MSN: variants seen among roughly 807,000 people sequenced by gnomAD.
MSN encodes moesin.
A neutral mutation model predicts 48.0 loss-of-function variants in MSN; 2 were observed. The observed-to-expected ratio is 0.04, with a 90% confidence interval of 0.02 to 0.13. The LOEUF (loss-of-function observed/expected upper bound fraction) is 0.13. Ranked by LOEUF, MSN falls within the 10% of genes least tolerant of loss-of-function variation. The probability of loss-of-function intolerance (pLI) is 1.00; values close to 1 mark genes in which losing one functional copy is unlikely to be tolerated. For missense variants in MSN, 267 were observed against 470.1 expected (o/e 0.57, Z 3.99); for synonymous variants, 146 against 166.9 (o/e 0.87, Z 0.97).
At chrX:65,635,615 C>A (rs902902141) in intron 1 of MSN, among the ~76,000 whole-genome samples, 9 of 111,976 alleles carry the variant, frequency 8.0e-5, no homozygotes, top group African/African-American at 2.3e-4. Context: ...TTCAAAATAT[C>A]CCAGAAGGCG....
At chrX:65,615,132 C>T (rs1259700591) in intron 1 of MSN, among the ~76,000 whole-genome samples, 3 of 109,659 alleles carry the variant, frequency 2.7e-5, no homozygotes, top group African/African-American at 1.0e-4. Context: ...GGTTCCAAGT[C>T]TTTGCTATTG....
chrX:65,657,451 C>A (rs902147903), intron 1 of MSN, among the ~76,000 whole-genome samples: 54 of 109,452 alleles, frequency 4.9e-4, no homozygotes, highest in African/African-American at 1.7e-3. Flanking sequence ...TCAGTGGGGG[C>A]AGGGCTGGGG....
intron 1 of MSN, among the ~76,000 whole-genome samples, chrX:65,648,548 G>A (rs1351176539): frequency 9.8e-6 from 1 of 101,840 alleles, no homozygotes; most frequent in Non-Finnish European, 2.0e-5. Flanking sequence ...GAGAGACTCC[G>A]TCTCAAAAAT....
At chrX:65,667,627 T>G, upstream of MSN, 10 of 1,001,834 alleles carry the variant, frequency 1.0e-5, no homozygotes, top group South Asian at 3.4e-5. Context: ...CCGGGCCACA[T>G]AAAGGAGCGG....
intron 1 of MSN, among the ~76,000 whole-genome samples, chrX:65,655,850 T>C (rs1300219556): frequency 8.9e-6 from 1 of 112,166 alleles, no homozygotes; most frequent in Non-Finnish European, 1.9e-5. Context: ...CACTATAACC[T>C]CTGCTTCCCG....
intron 1 of MSN, among the ~76,000 whole-genome samples, chrX:65,640,436 T>G (rs1243464324): frequency 1.8e-5 from 2 of 111,724 alleles, no homozygotes; most frequent in African/African-American, 6.5e-5. Context: ...TCCCAGCTAC[T>G]CGGGAGGCTA....
intron 1 of MSN, among the ~76,000 whole-genome samples, chrX:65,624,000 AT>A (rs2070479939): frequency 9.1e-6 from 1 of 110,366 alleles, no homozygotes; most frequent in African/African-American, 3.4e-5. Flanking sequence ...AATCTAATTT[AT>A]TCATGAGCAA....
intron 8 of MSN, among the ~76,000 whole-genome samples, chrX:65,736,321 G>A (rs910727694): frequency 5.4e-5 from 6 of 110,832 alleles, no homozygotes; most frequent in Admixed American, 3.8e-4. Context: ...GTGGGGCTAT[G>A]ATATGAGGAC....
intron 1 of MSN, among the ~76,000 whole-genome samples, chrX:65,639,425 G>A (rs1307852098): frequency 1.8e-5 from 2 of 112,345 alleles, no homozygotes; most frequent in Non-Finnish European, 3.8e-5. Context: ...GATTACAGGC[G>A]TGAGCCACCG....
chrX:65,672,237 C>T (rs2070949399), intron 1 of MSN, among the ~76,000 whole-genome samples: 1 of 112,337 alleles, frequency 8.9e-6, no homozygotes, highest in African/African-American at 3.2e-5. Flanking sequence ...ATAACCATAG[C>T]TGCTGGAAAT....
chrX:65,634,568 G>A (rs1018311042), intron 1 of MSN, among the ~76,000 whole-genome samples: 8 of 110,654 alleles, frequency 7.2e-5, no homozygotes, highest in African/African-American at 1.6e-4. Flanking sequence ...AGCCGAGATC[G>A]CAACACTGCA....
chrX:65,708,428 G>A (rs761363180), intron 1 of MSN, among the ~76,000 whole-genome samples: 64 of 110,094 alleles, frequency 5.8e-4, no homozygotes, highest in Non-Finnish European at 1.1e-3. Context: ...GAGTAGCTGG[G>A]ATTACAGGTG....
Position 65,667,783 on chromosome X carries a change from T to A in MSN, c.-59T>A, listed in dbSNP as rs1440653468. Reference sequence around the variant, plus strand: ...AATCCAAGCCGTGTGTACTGCGTGCTCAGCACTGCCCGACAGTCCTAGCTA... The same window carrying A: ...AATCCAAGCCGTGTGTACTGCGTGCACAGCACTGCCCGACAGTCCTAGCTA... On this transcript the variant is annotated 5_prime_UTR_variant, in exon 1 of 13. Transcript: ENST00000360270. 9 of 1,206,532 alleles carry A rather than the reference T, an allele frequency of 7.5e-6. No individual in the cohort carries two copies. The highest frequency in any genetic ancestry group is 6.7e-6 in the Non-Finnish European group (6 of 893,672).
rs1042572644 is a variant in MSN, at chrX:65,614,434, A to T, written c.-22+25822A>T. Among the ~76,000 whole-genome samples, 59 of 109,364 alleles carry T rather than the reference A, an allele frequency of 5.4e-4. 1 individual carries two copies. In the Middle Eastern group the frequency reaches 0.018, roughly 34 times the overall value. 95.0% of individuals were successfully genotyped at this position (109,364 alleles called of 115,157 possible). On this transcript the variant is annotated intron_variant, in intron 1 of 3. Transcript: ENST00000609672. Reference sequence around the variant, plus strand: ...GAAAGTCAATGGTAGCTTAATGGGGATAGCATTGAAGCTATAAATTACTTT... The same window carrying T: ...GAAAGTCAATGGTAGCTTAATGGGGTTAGCATTGAAGCTATAAATTACTTT...
At chrX:65,596,619 A>G (rs2070188872) in intron 1 of MSN, among the ~76,000 whole-genome samples, 1 of 99,350 alleles carries the variant, frequency 1.0e-5, no homozygotes, top group Admixed American at 1.1e-4. Context: ...TTTTTATTTC[A>G]GCTTCCTCAA....
intron 1 of MSN, among the ~76,000 whole-genome samples, chrX:65,691,543 T>G (rs1157179331): frequency 9.0e-6 from 1 of 111,647 alleles, no homozygotes; most frequent in African/African-American, 3.3e-5. Context: ...TTGCTCTTGT[T>G]GCCCAGGCTG....
chrX:65,737,389 T>C, intron 10 of MSN, 51 bp downstream of exon 10: 1 of 1,157,079 alleles, frequency 8.6e-7, no homozygotes, highest in African/African-American at 1.8e-5. Flanking sequence ...TTCTTCCTTG[T>C]CTGCCTACTT....
intron 1 of MSN, among the ~76,000 whole-genome samples, chrX:65,605,328 T>A (rs1445476689): frequency 8.9e-6 from 1 of 112,035 alleles, no homozygotes; most frequent in African/African-American, 3.2e-5. Context: ...TTATTACCCC[T>A]AACCATTCAG....
intron 1 of MSN, among the ~76,000 whole-genome samples, chrX:65,635,509 G>A (rs754256002): frequency 8.1e-5 from 9 of 111,801 alleles, no homozygotes; most frequent in African/African-American, 1.9e-4. Context: ...GTCAGGGGAC[G>A]GAGACTGGGG....
Sources: allele counts gnomAD v4.1 joint callset (sites outside exome capture counted in the v4.1 genomes callset), GRCh38; gene constraint gnomAD v4.1.1; transcripts MANE v1.5; gene names NCBI Gene and HGNC (gene_info 2026-07-23, HGNC 2026-07-21).